ZNF623: variants seen among roughly 807,000 people sequenced by gnomAD.
ZNF623 encodes the protein zinc finger protein 623.
In ZNF623, 16 loss-of-function variants were observed where a neutral mutation model predicts 24.0. The observed-to-expected ratio is 0.67, with a 90% CI of 0.45 to 1.01. The LOEUF (loss-of-function observed/expected upper bound fraction) is 1.01. Among genes scored for constraint, ZNF623 ranks in the 50% least tolerant of loss-of-function variants. The pLI is 0.00. For missense variants in ZNF623, 566 were observed against 606.5 expected, an observed-to-expected ratio of 0.93 and a Z score of 0.70; for synonymous variants, 224 against 219.8, an observed-to-expected ratio of 1.02 and a Z score of -0.17.
At chr8:143,643,901 G>C (rs145255068) in intron 1 of ZNF623, among the ~76,000 whole-genome samples, 172 of 152,318 alleles carry the variant, frequency 1.1e-3, no homozygotes, top group African/African-American at 4.0e-3. Context: ...GAACACTCTA[G>C]CTACAGACTT....
At position 143,652,728 on chromosome 8, in the gene ZNF623, C is replaced by A. The variant is rs767163343; in HGVS notation, c.*1245C>A. On this transcript the variant is annotated 3_prime_UTR_variant, in exon 2 of 2. Coordinates refer to ENST00000526926, the MANE Select transcript of ZNF623 (RefSeq NM_001261843.2). ...CTTGTCTGTATCTTTCTGTCTCACT[C>A]GAAAGGCACAGTCTCAATGCGCTAC... is the stretch of plus-strand genomic sequence containing the variant. The A allele has an allele frequency of 1.2e-5, 2 of 167,056 alleles. No individual in the cohort carries two copies. The highest frequency in any genetic ancestry group is 4.8e-5 in the African/African-American group (2 of 41,450). The allele number at this position is 167,056 out of a possible 1,614,324, so 10.3% of individuals were successfully genotyped here. A position where few individuals can be genotyped will look rare whatever the true frequency, so the allele number is the denominator to read the frequency against.
intron 1 of ZNF623, among the ~76,000 whole-genome samples, chr8:143,647,995 G>C (rs1053864540): frequency 1.3e-5 from 2 of 152,182 alleles, no homozygotes; most frequent in African/African-American, 4.8e-5. Context: ...AACTATAGAA[G>C]GAGGAAAATC....
chr8:143,641,805 A>G (rs1388432081), intron 1 of ZNF623, among the ~76,000 whole-genome samples: 2 of 152,308 alleles, frequency 1.3e-5, no homozygotes, highest in African/African-American at 4.8e-5. Flanking sequence ...TCTGAGCAGT[A>G]GGTCTCATTA....
intron 1 of ZNF623, among the ~76,000 whole-genome samples, chr8:143,644,057 G>C (rs1815117207): frequency 6.6e-6 from 1 of 152,050 alleles, no homozygotes; most frequent in African/African-American, 2.4e-5. Flanking sequence ...GTCTCACTTT[G>C]TCACCCAAGC....
intron 1 of ZNF623, among the ~76,000 whole-genome samples, chr8:143,646,521 T>C (rs1036164588): frequency 5.3e-5 from 8 of 150,174 alleles, no homozygotes; most frequent in African/African-American, 1.7e-4. Flanking sequence ...ACAAAACACA[T>C]AGTTTGTTGC....
chr8:143,637,028 G>C (rs1196567969), intron 1 of ZNF623, among the ~76,000 whole-genome samples: 1 of 152,208 alleles, frequency 6.6e-6, no homozygotes, highest in Non-Finnish European at 1.5e-5. Flanking sequence ...GAGGACACAG[G>C]GGGCTCGTCG....
intron 1 of ZNF623, chr8:143,649,697 A>G (rs1162614828): frequency 1.6e-6 from 1 of 618,620 alleles, no homozygotes; most frequent in Non-Finnish European, 2.8e-6. Context: ...TGGATGTTAA[A>G]AGTGGAGCCA....
chr8:143,646,709 G>A lies in ZNF623; in HGVS notation c.-95-3189G>A, dbSNP rs565310361. Among the ~76,000 whole-genome samples, 5 of 152,256 alleles carry A rather than the reference G, an allele frequency of 3.3e-5. 1 individual carries two copies. Among genetic ancestry groups the A allele is most frequent in the African/African-American group, 1.2e-4 (5 of 41,550 alleles). ...AGACAGGGTTTTGCTCTGTCACCCA[G>A]GCTGGAATGCAGTGGCACAAGCACG... On this transcript the variant is annotated intron_variant, in intron 1 of 1. Coordinates refer to ENST00000526926, the MANE Select transcript of ZNF623 (RefSeq NM_001261843.2).
intron 1 of ZNF623, among the ~76,000 whole-genome samples, chr8:143,637,885 CAGG>C (rs1814959905): frequency 6.6e-6 from 1 of 152,124 alleles, no homozygotes; most frequent in African/African-American, 2.4e-5. Flanking sequence ...TGTGTTACAA[CAGG>C]AGATGGGTCC....
At chr8:143,640,315 T>C (rs974347910) in intron 1 of ZNF623, among the ~76,000 whole-genome samples, 19 of 152,214 alleles carry the variant, frequency 1.2e-4, no homozygotes, top group African/African-American at 4.3e-4. Flanking sequence ...GGTCTTGCCT[T>C]TCTTGATGGC....
intron 1 of ZNF623, among the ~76,000 whole-genome samples, chr8:143,642,814 T>TA (rs1815086219): frequency 6.6e-6 from 1 of 152,122 alleles, no homozygotes; most frequent in South Asian, 2.1e-4. Context: ...TGACAGTAGT[T>TA]TTAGATTCCT....
chr8:143,637,550 A>G (rs1587321588), intron 1 of ZNF623, among the ~76,000 whole-genome samples: 2 of 151,856 alleles, frequency 1.3e-5, no homozygotes, highest in African/African-American at 4.8e-5. Flanking sequence ...TTATTTATTT[A>G]TTTATTTATT....
chr8:143,639,123 C>G (rs1333476808), intron 1 of ZNF623, among the ~76,000 whole-genome samples: 1 of 152,098 alleles, frequency 6.6e-6, no homozygotes, highest in Non-Finnish European at 1.5e-5. Flanking sequence ...AACTCCTGAC[C>G]TCAGGTGATC....
chr8:143,650,059 C>T lies in ZNF623; in HGVS notation c.67C>T (p.Pro23Ser), dbSNP rs558228017. 5.0e-6 allele frequency: 8 copies of T among 1,614,098 alleles called. No homozygotes were observed. The highest frequency in any genetic ancestry group is 6.8e-6 in the Non-Finnish European group (8 of 1,179,984). ...EPRLGELLGN[P>S]EGQSLGSSPS... is the part of the protein sequence containing the mutation. ...CAGATTAGGGGAGCTCTTGGGAAAT[C>T]CAGAAGGTCAGAGCCTGGGGAGTTC... Residue 23 changes from proline to serine, a missense_variant, in exon 2 of 2, where the codon CCA (proline) becomes TCA (serine). Pro to Ser is a moderately conservative substitution (Grantham distance 74). Around this residue, in one of 3 missense-constraint regions of ZNF623, gnomAD observed 313 missense variants for 300.4 expected, o/e 1.04. Transcript: ENST00000526926. The surrounding 1 kb of genome is among the most constrained non-coding windows in gnomAD (Gnocchi z 5.2).
At position 143,651,370 on chromosome 8, in the gene ZNF623, A is replaced by G. The variant is rs779602776; in HGVS notation, c.1378A>G (p.Thr460Ala). 3.1e-6 allele frequency: 5 copies of G among 1,614,208 alleles called. No individual in the cohort carries two copies. The highest frequency in any genetic ancestry group is 1.1e-5 in the South Asian group (1 of 91,074). Residue 460 changes from threonine to alanine, a missense_variant, in exon 2 of 2, where the codon ACA becomes GCA. Physicochemically the swap from Thr to Ala is moderately conservative, Grantham distance 58. This residue lies in a region of ZNF623 where 136 missense variants were observed against 131.9 expected (regional missense o/e 1.03). Coordinates refer to ENST00000526926, the MANE Select transcript of ZNF623 (RefSeq NM_001261843.2). ...SQYGRDFNST[T>A]NVKNNQRVHQ... ...GTATGGGAGAGATTTTAACTCAACTACAAACGTTAAAAATAATCAAAGGGT... is the reference window on the plus strand; with the variant it reads ...GTATGGGAGAGATTTTAACTCAACTGCAAACGTTAAAAATAATCAAAGGGT...
At chr8:143,647,663 G>A (rs1815205367) in intron 1 of ZNF623, among the ~76,000 whole-genome samples, 1 of 152,258 alleles carries the variant, frequency 6.6e-6, no homozygotes, top group South Asian at 2.1e-4. Flanking sequence ...AGCAGCAGGA[G>A]TCCAGGCCCA....
At chr8:143,646,548 T>C (rs1815180410) in intron 1 of ZNF623, among the ~76,000 whole-genome samples, 1 of 148,684 alleles carries the variant, frequency 6.7e-6, no homozygotes, top group Non-Finnish European at 1.5e-5. Flanking sequence ...GGTGTGTGCG[T>C]GTGTGTGTGT....
At chr8:143,644,208 A>G (rs1030645656) in intron 1 of ZNF623, among the ~76,000 whole-genome samples, 1 of 152,070 alleles carries the variant, frequency 6.6e-6, no homozygotes, top group African/African-American at 2.4e-5. Flanking sequence ...TTTAGTAGAG[A>G]TGAGGTTTCA....
chr8:143,636,825 G>C (rs560504391), intron 1 of ZNF623, among the ~76,000 whole-genome samples: 18 of 152,326 alleles, frequency 1.2e-4, no homozygotes, highest in African/African-American at 4.1e-4. Flanking sequence ...AAGAATCCCA[G>C]TGGCGTTCTC....
Sources: allele counts gnomAD v4.1 joint callset (sites outside exome capture counted in the v4.1 genomes callset), GRCh38; gene constraint gnomAD v4.1.1; regional missense constraint gnomAD v4.1.1; non-coding constraint Gnocchi (gnomAD v3.1); transcripts MANE v1.5; gene names NCBI Gene and HGNC (gene_info 2026-07-23, HGNC 2026-07-21).